CDH13: variants seen among roughly 807,000 people sequenced by gnomAD.
CDH13 encodes cadherin-13.
A neutral mutation model predicts 63.8 loss-of-function variants in CDH13; 24 were observed. The ratio of observed to expected loss-of-function variants is 0.38; its 90% CI spans 0.27 to 0.53. CDH13 has a LOEUF of 0.53. Among genes scored for constraint, CDH13 ranks in the 20% least tolerant of loss-of-function variants. The pLI, the probability that CDH13 is intolerant of heterozygous loss-of-function variation, is 0.85. For missense variants in CDH13, 1,049 were observed against 903.1 expected, an observed-to-expected ratio of 1.16 and a Z score of -2.07; for synonymous variants, 503 against 355.3, an observed-to-expected ratio of 1.42 and a Z score of -4.67.
At chr16:82,788,743 C>G (rs1447607737) in intron 1 of CDH13, among the ~76,000 whole-genome samples, 1 of 152,184 alleles carries the variant, frequency 6.6e-6, no homozygotes, top group African/African-American at 2.4e-5. Flanking sequence ...GAACAAGGTG[C>G]TTAGAGTGCC....
intron 1 of CDH13, among the ~76,000 whole-genome samples, chr16:82,646,580 A>T (rs1021351127): frequency 2.0e-5 from 3 of 152,210 alleles, no homozygotes. Context: ...GAGAGGTCAC[A>T]GGAGGCCAAG....
intron 2 of CDH13, among the ~76,000 whole-genome samples, chr16:82,966,907 A>G (rs1907921497): frequency 6.6e-6 from 1 of 152,160 alleles, no homozygotes; most frequent in South Asian, 2.1e-4. Context: ...TATCTAATCA[A>G]CACACTTAAT....
Position 83,117,633 on chromosome 16 carries a change from G to GA in CDH13, c.367-7749dup, listed in dbSNP as rs540948162. Among the ~76,000 whole-genome samples the GA allele has an allele frequency of 2.6e-5, 4 of 152,078 alleles. No individual in the cohort carries two copies. The South Asian group carries it at 6.3e-4, about 24-fold the overall frequency. On this transcript the variant is annotated intron_variant, in intron 3 of 13. Coordinates refer to ENST00000567109, the MANE Select transcript of CDH13 (RefSeq NM_001257.5). ...TGCCTAGAATTATACCTGGCAGAGA[G>GA]AAAGGGCTTGGTTGATACGTTTTGA...
intron 8 of CDH13, among the ~76,000 whole-genome samples, chr16:83,665,181 A>G (rs539815762): frequency 6.6e-6 from 1 of 152,298 alleles, no homozygotes; most frequent in Non-Finnish European, 1.5e-5. Context: ...TGAAAAAAAA[A>G]AGCTTCTTCC....
At chr16:82,658,892 T>C (rs1264616709) in intron 1 of CDH13, among the ~76,000 whole-genome samples, 3 of 152,252 alleles carry the variant, frequency 2.0e-5, no homozygotes, top group Non-Finnish European at 4.4e-5. Context: ...AGACACTTGA[T>C]ATTCAGATAA....
intron 1 of CDH13, among the ~76,000 whole-genome samples, chr16:82,829,965 T>A (rs2038453379): frequency 6.6e-6 from 1 of 152,242 alleles, no homozygotes; most frequent in Non-Finnish European, 1.5e-5. Context: ...AAGACGATGT[T>A]TAGAGTAACC....
chr16:82,761,017 CTTTTTTTTTTTTTTTTTTT>C (rs35038319), intron 1 of CDH13, among the ~76,000 whole-genome samples: 1 of 40,452 alleles, frequency 2.5e-5, no homozygotes, highest in Non-Finnish European at 4.6e-5. Context: ...TTCTTTCTTT[CTTTTTTTTTTTTTTTTTTT>C]TTTTTTTTTT....
At chr16:83,618,583 C>G (rs995599238) in intron 8 of CDH13, among the ~76,000 whole-genome samples, 22 of 152,100 alleles carry the variant, frequency 1.4e-4, no homozygotes, top group African/African-American at 5.3e-4. Context: ...CAGCCCTGCA[C>G]TAACATAGCA....
chr16:82,650,057 C>G (rs11866729), intron 1 of CDH13, among the ~76,000 whole-genome samples: 33,786 of 152,016 alleles, frequency 0.22, 5,133 homozygotes, highest in African/African-American at 0.44. Flanking sequence ...GAGGCTCAGT[C>G]ACTTAAAGAA....
At chr16:83,010,694 A>G (rs1914061769) in intron 2 of CDH13, among the ~76,000 whole-genome samples, 2 of 152,220 alleles carry the variant, frequency 1.3e-5, no homozygotes, top group Admixed American at 1.3e-4. Flanking sequence ...GTTGTTACCC[A>G]GAGCCCTACT....
At chr16:83,538,996 A>G (rs568731351) in intron 7 of CDH13, among the ~76,000 whole-genome samples, 14 of 152,296 alleles carry the variant, frequency 9.2e-5, no homozygotes, top group Admixed American at 1.3e-4. Context: ...GACTTTTCAG[A>G]ACTTTTATTA....
chr16:82,805,342 C>T (rs970558450), intron 1 of CDH13, among the ~76,000 whole-genome samples: 11 of 152,178 alleles, frequency 7.2e-5, no homozygotes, highest in Non-Finnish European at 1.5e-5. Context: ...TTTGGTCTTT[C>T]TTCTCATTTG....
intron 7 of CDH13, among the ~76,000 whole-genome samples, chr16:83,505,540 T>TG (rs2074376427): frequency 2.4e-5 from 1 of 41,858 alleles, no homozygotes; most frequent in Non-Finnish European, 5.3e-5. Context: ...CCTTTTTTTT[T>TG]TTTTTTTTTT....
intron 1 of CDH13, among the ~76,000 whole-genome samples, chr16:82,702,160 T>C (rs982639979): frequency 6.6e-6 from 1 of 152,158 alleles, no homozygotes; most frequent in Non-Finnish European, 1.5e-5. Context: ...GCTGCTGAGA[T>C]CCATGCTTTT....
chr16:82,651,145 C>CT (rs1910675181), intron 1 of CDH13, among the ~76,000 whole-genome samples: 1 of 152,194 alleles, frequency 6.6e-6, no homozygotes, highest in East Asian at 1.9e-4. Context: ...GGTGGCAAGA[C>CT]TATGAACAAC....
intron 1 of CDH13, among the ~76,000 whole-genome samples, chr16:82,802,489 TG>T (rs1334902219): frequency 6.6e-6 from 1 of 152,164 alleles, no homozygotes; most frequent in African/African-American, 2.4e-5. Flanking sequence ...TTTTCTCTGG[TG>T]GTGCTCTATC....
chr16:83,313,697 G>A (rs1225337669), intron 5 of CDH13, among the ~76,000 whole-genome samples: 1 of 146,916 alleles, frequency 6.8e-6, no homozygotes, highest in Non-Finnish European at 1.5e-5. Flanking sequence ...AATTTAAAAT[G>A]TGAGCATTCT....
At chr16:83,758,936 C>T (rs961042859) in intron 11 of CDH13, among the ~76,000 whole-genome samples, 2 of 152,128 alleles carry the variant, frequency 1.3e-5, no homozygotes, top group African/African-American at 4.8e-5. Flanking sequence ...TTGGAAGGCT[C>T]AATGGTATTG....
At chr16:83,045,976 C>T (rs1251086166) in intron 3 of CDH13, among the ~76,000 whole-genome samples, 2 of 152,228 alleles carry the variant, frequency 1.3e-5, no homozygotes, top group African/African-American at 4.8e-5. Context: ...CTTTTGGACC[C>T]TTTGGCCTGG....
Sources: allele counts gnomAD v4.1 joint callset (sites outside exome capture counted in the v4.1 genomes callset), GRCh38; gene constraint gnomAD v4.1.1; transcripts MANE v1.5; gene names NCBI Gene and HGNC (gene_info 2026-07-23, HGNC 2026-07-21).